The following LRP1B variants were observed in gnomAD, a reference collection of about 807,000 sequenced individuals.
LRP1B encodes low-density lipoprotein receptor-related protein 1B.
In LRP1B, 217 loss-of-function variants were observed where a neutral mutation model predicts 556.6. The ratio of observed to expected loss-of-function variants is 0.39; its 90% confidence interval spans 0.35 to 0.44. The LOEUF is 0.44. LRP1B is among the 20% of genes least tolerant of loss of function. The pLI is 1.00. For synonymous variants in LRP1B, 2,047 were observed against 1,865.8 expected, an observed-to-expected ratio of 1.10 and a Z score of -2.50; for missense variants, 5,053 against 5,620.8, an observed-to-expected ratio of 0.90 and a Z score of 3.23.
chr2:140,298,369 T>C (rs2105002315), intron 83 of LRP1B, among the ~76,000 whole-genome samples: 1 of 152,300 alleles, frequency 6.6e-6, no homozygotes, highest in East Asian at 1.9e-4. Flanking sequence ...CAATTTCACA[T>C]TGTTCAAACA....
At chr2:140,892,002 TGA>T (rs373617717) in intron 23 of LRP1B, among the ~76,000 whole-genome samples, 301 of 152,008 alleles carry the variant, frequency 2.0e-3, no homozygotes, top group African/African-American at 6.1e-3. Context: ...AGAGGCAGAG[TGA>T]GAGAGAAGAG....
intron 2 of LRP1B, among the ~76,000 whole-genome samples, chr2:141,482,372 A>G (rs1482813176): frequency 6.6e-6 from 1 of 152,100 alleles, no homozygotes; most frequent in Non-Finnish European, 1.5e-5. Flanking sequence ...ATGTGTATTT[A>G]TGTAATTACT....
At chr2:140,911,485 G>A (rs2105238350) in intron 21 of LRP1B, among the ~76,000 whole-genome samples, 1 of 151,886 alleles carries the variant, frequency 6.6e-6, no homozygotes, top group South Asian at 2.1e-4. Flanking sequence ...CACATATGCA[G>A]TGAAGCCTAA....
intron 35 of LRP1B, among the ~76,000 whole-genome samples, chr2:140,717,308 G>T (rs1178950054): frequency 5.3e-5 from 8 of 152,016 alleles, no homozygotes; most frequent in Admixed American, 5.3e-4. Flanking sequence ...TATATCAAGA[G>T]TGTTTTAAGC....
chr2:141,595,265 G>T (rs1406368490), intron 2 of LRP1B, among the ~76,000 whole-genome samples: 1 of 152,014 alleles, frequency 6.6e-6, no homozygotes, highest in East Asian at 1.9e-4. Flanking sequence ...ATATAGAAAT[G>T]TATTTACTGG....
intron 1 of LRP1B, among the ~76,000 whole-genome samples, chr2:142,126,744 G>A (rs973690665): frequency 6.6e-6 from 1 of 151,748 alleles, no homozygotes; most frequent in Non-Finnish European, 1.5e-5. Flanking sequence ...TTCACATTAA[G>A]ATACAAAAAT....
At chr2:140,843,252 T>A (rs1004684880) in intron 29 of LRP1B, among the ~76,000 whole-genome samples, 1 of 152,012 alleles carries the variant, frequency 6.6e-6, no homozygotes, top group African/African-American at 2.4e-5. Flanking sequence ...GCTATAAATA[T>A]CTATCTAGTC....
intron 3 of LRP1B, among the ~76,000 whole-genome samples, chr2:141,365,613 G>T (rs949570819): frequency 8.3e-5 from 11 of 132,764 alleles, no homozygotes; most frequent in African/African-American, 2.8e-4. Context: ...AACCAGTAAA[G>T]AAAAAACATG....
intron 2 of LRP1B, among the ~76,000 whole-genome samples, chr2:141,726,292 T>C (rs1190484061): frequency 2.6e-5 from 4 of 151,504 alleles, no homozygotes; most frequent in Admixed American, 2.6e-4. Context: ...ATGTTAATTA[T>C]TATAATCTCT....
At chr2:142,041,072 G>GA (rs1159371449) in intron 1 of LRP1B, among the ~76,000 whole-genome samples, 3 of 151,350 alleles carry the variant, frequency 2.0e-5, no homozygotes, top group African/African-American at 7.3e-5. Flanking sequence ...CCTTAGCCTG[G>GA]AAAAACATAA....
intron 43 of LRP1B, among the ~76,000 whole-genome samples, chr2:140,545,645 G>A (rs72975854): frequency 0.014 from 2,120 of 152,032 alleles, 50 homozygotes; most frequent in African/African-American, 0.048. Flanking sequence ...TGGTCTATAC[G>A]TCAGTTTTTG....
chr2:141,914,643 A>G (rs1447009697), intron 1 of LRP1B, among the ~76,000 whole-genome samples: 1 of 152,236 alleles, frequency 6.6e-6, no homozygotes, highest in East Asian at 1.9e-4. Context: ...CTGACAAATG[A>G]CTTCAGTAAA....
chr2:141,428,820 C>G (rs1680464638), intron 3 of LRP1B, among the ~76,000 whole-genome samples: 1 of 152,162 alleles, frequency 6.6e-6, no homozygotes, highest in Non-Finnish European at 1.5e-5. Context: ...TTAGAACTGC[C>G]TCCAACCACA....
intron 31 of LRP1B, among the ~76,000 whole-genome samples, chr2:140,835,270 C>A (rs1691860440): frequency 6.6e-6 from 1 of 152,144 alleles, no homozygotes; most frequent in Non-Finnish European, 1.5e-5. Flanking sequence ...TCTGCATTAT[C>A]TGGAGACAGG....
chr2:141,472,018 T>G (rs1352893108), intron 3 of LRP1B, among the ~76,000 whole-genome samples: 1 of 152,194 alleles, frequency 6.6e-6, no homozygotes, highest in African/African-American at 2.4e-5. Flanking sequence ...TGGGGAGAGA[T>G]TACTTGTCCG....
At chr2:141,582,731 G>A (rs895515228) in intron 2 of LRP1B, among the ~76,000 whole-genome samples, 10 of 149,268 alleles carry the variant, frequency 6.7e-5, no homozygotes, top group Admixed American at 3.4e-4. Context: ...AAGGGAATAC[G>A]AAATTTATCA....
At chr2:141,174,185 A>G (rs1047841774) in intron 7 of LRP1B, among the ~76,000 whole-genome samples, 1 of 152,116 alleles carries the variant, frequency 6.6e-6, no homozygotes, top group Non-Finnish European at 1.5e-5. Context: ...AGATCTTATG[A>G]AGCATAAACA....
intron 6 of LRP1B, among the ~76,000 whole-genome samples, chr2:141,202,003 G>A (rs745823213): frequency 2.0e-5 from 3 of 151,988 alleles, no homozygotes; most frequent in Non-Finnish European, 4.4e-5. Flanking sequence ...AGGATGTGCA[G>A]GTTTGTTACA....
At chr2:140,500,216 G>T (rs1689122701) in intron 55 of LRP1B, among the ~76,000 whole-genome samples, 1 of 151,672 alleles carries the variant, frequency 6.6e-6, no homozygotes, top group South Asian at 2.1e-4. Flanking sequence ...ATATTTCTTG[G>T]TGTTTCAGTT....
Sources: allele counts gnomAD v4.1 joint callset (sites outside exome capture counted in the v4.1 genomes callset), GRCh38; gene constraint gnomAD v4.1.1; transcripts MANE v1.5; gene names NCBI Gene and HGNC (gene_info 2026-07-23, HGNC 2026-07-21).